ZNF385D: variants seen among roughly 807,000 people sequenced by gnomAD.
ZNF385D encodes zinc finger protein 659.
ZNF385D carries 15 observed loss-of-function variants against 35.8 expected under a neutral mutation model. The ratio of observed to expected loss-of-function variants is 0.42; its 90% CI spans 0.28 to 0.64. The LOEUF is 0.64. ZNF385D is among the 30% of genes least tolerant of loss of function. The pLI, the probability that ZNF385D is intolerant of heterozygous loss-of-function variation, is 0.23. For synonymous variants in ZNF385D, 212 were observed against 186.8 expected (o/e 1.13, Z -1.10); for missense variants, 474 against 494.6 (o/e 0.96, Z 0.39).
At chr3:21,563,043 T>C (rs1032766102) in intron 3 of ZNF385D, among the ~76,000 whole-genome samples, 1 of 152,208 alleles carries the variant, frequency 6.6e-6, no homozygotes, top group Non-Finnish European at 1.5e-5. Context: ...GTCTGATTAT[T>C]TGTATACCTG....
At chr3:21,669,476 A>G (rs935350474) in intron 1 of ZNF385D, among the ~76,000 whole-genome samples, 5 of 152,224 alleles carry the variant, frequency 3.3e-5, no homozygotes, top group South Asian at 2.1e-4. Flanking sequence ...GAAAAAACAA[A>G]AACAGAGTTA....
At chr3:22,043,858 G>T (rs913008853) in intron 3 of ZNF385D, among the ~76,000 whole-genome samples, 10 of 152,064 alleles carry the variant, frequency 6.6e-5, no homozygotes. Flanking sequence ...TGCTTGCTTT[G>T]ATAAGGCTGG....
intron 4 of ZNF385D, among the ~76,000 whole-genome samples, chr3:21,450,127 G>T (rs1702370674): frequency 6.6e-6 from 1 of 152,174 alleles, no homozygotes; most frequent in Non-Finnish European, 1.5e-5. Context: ...CTTGGGCAGG[G>T]CTGTCAAGGT....
At chr3:22,030,284 T>TCCTATACAAATAACAA (rs1476811855) in intron 3 of ZNF385D, among the ~76,000 whole-genome samples, 1 of 98,564 alleles carries the variant, frequency 1.0e-5, no homozygotes, top group East Asian at 3.3e-4. Context: ...TATATATATA[T>TCCTATACAAATAACAA]ATATATATAT....
At chr3:21,426,922 T>C (rs1318834793) in intron 5 of ZNF385D, among the ~76,000 whole-genome samples, 1 of 152,212 alleles carries the variant, frequency 6.6e-6, no homozygotes, top group Non-Finnish European at 1.5e-5. Flanking sequence ...TCTTACAACC[T>C]AGATGGCCTA....
rs540378373 is a variant in ZNF385D at position 21,767,153 on chromosome 3, A to G, written c.326-102125T>C. On this transcript the variant is annotated intron_variant, in intron 3 of 5. Coordinates refer to the ZNF385D transcript ENST00000494108. ...CAGAATTTGGTAGCAAATATTGTCA[A>G]TTGAGAGTCTTATGGAAATCACAGA... is the stretch of plus-strand genomic sequence containing the variant. Among the ~76,000 whole-genome samples the G allele has an allele frequency of 8.6e-5, 13 of 151,034 alleles. No homozygotes were observed. In the South Asian group the frequency reaches 1.0e-3, roughly 12 times the overall value.
At chr3:21,922,909 T>C (rs142812565) in intron 3 of ZNF385D, among the ~76,000 whole-genome samples, 16 of 152,292 alleles carry the variant, frequency 1.1e-4, no homozygotes, top group Admixed American at 2.0e-4. Flanking sequence ...ATATGGAATC[T>C]ATAGGGAACT....
At chr3:21,854,489 G>A (rs1030435739) in intron 3 of ZNF385D, among the ~76,000 whole-genome samples, 1 of 151,868 alleles carries the variant, frequency 6.6e-6, no homozygotes, top group Non-Finnish European at 1.5e-5. Flanking sequence ...CCTTGCACTT[G>A]GTTTAATGAT....
At chr3:22,260,977 T>A (rs1052576648) in intron 2 of ZNF385D, among the ~76,000 whole-genome samples, 3 of 152,026 alleles carry the variant, frequency 2.0e-5, no homozygotes, top group Admixed American at 6.6e-5. Context: ...CTTCAGAAAC[T>A]TAAAAAATTT....
intron 3 of ZNF385D, among the ~76,000 whole-genome samples, chr3:21,776,161 CT>C (rs1160127181): frequency 6.6e-6 from 1 of 151,730 alleles, no homozygotes. Flanking sequence ...CATACACATT[CT>C]TTTATTTTGG....
rs548035694 is a variant in ZNF385D at position 21,414,938 on chromosome 3, A to G, written c.*6276T>C. The G allele has an allele frequency of 7.2e-5, 11 of 152,272 alleles. No homozygotes were observed. Among genetic ancestry groups the G allele is most frequent in the Admixed American group, 2.0e-4 (3 of 15,288 alleles). The allele number at this position is 152,272 out of a possible 1,614,324, so 9.4% of individuals were successfully genotyped here. A position where few individuals can be genotyped will look rare whatever the true frequency, so the allele number is the denominator to read the frequency against. ...TAGCATAACATCATAAGAGACATAA[A>G]GCATCTCACGAAGGGTCTTTATCCA... On this transcript the variant is annotated 3_prime_UTR_variant, in exon 8 of 8. Transcript: ENST00000281523.
intron 3 of ZNF385D, among the ~76,000 whole-genome samples, chr3:21,996,594 G>A (rs1336276814): frequency 6.6e-6 from 1 of 152,154 alleles, no homozygotes; most frequent in East Asian, 1.9e-4. Flanking sequence ...AGCACTCACT[G>A]TCACACATTT....
intron 3 of ZNF385D, among the ~76,000 whole-genome samples, chr3:21,846,733 G>A (rs915319143): frequency 2.0e-5 from 3 of 151,956 alleles, no homozygotes; most frequent in Non-Finnish European, 2.9e-5. Flanking sequence ...AGAGAGAGAG[G>A]ATGGGAAAGG....
In ZNF385D at chr3:22,273,062, AAGAG is replaced by A. The variant is rs1701258402; in HGVS notation, c.106+99384_106+99387del. Among the ~76,000 whole-genome samples the A allele has an allele frequency of 4.6e-5, 7 of 152,114 alleles. No homozygotes were observed. In the South Asian group the frequency reaches 1.5e-3, roughly 32 times the overall value. On this transcript the variant is annotated intron_variant, in intron 2 of 5. Coordinates refer to the ZNF385D transcript ENST00000494108. Reference sequence around the variant, plus strand: ...CTCACAAATTTTAAAAAGCCAAGGAAAGAGAGAAAGAGAGAAAAAAAAGAGAAAA... The same window carrying A: ...CTCACAAATTTTAAAAAGCCAAGGAAAGAAAGAGAGAAAAAAAAGAGAAAA...
At chr3:21,519,541 T>C (rs1274548045) in intron 3 of ZNF385D, among the ~76,000 whole-genome samples, 2 of 152,200 alleles carry the variant, frequency 1.3e-5, no homozygotes, top group African/African-American at 4.8e-5. Context: ...AACAGCTATC[T>C]CCTTGAACTC....
intron 4 of ZNF385D, among the ~76,000 whole-genome samples, chr3:21,477,688 A>G (rs1400661726): frequency 6.6e-6 from 1 of 152,014 alleles, no homozygotes; most frequent in Non-Finnish European, 1.5e-5. Flanking sequence ...CTATCAACCA[A>G]TGTAATGTTC....
At chr3:22,222,345 A>T (rs770278158) in intron 2 of ZNF385D, among the ~76,000 whole-genome samples, 18 of 152,176 alleles carry the variant, frequency 1.2e-4, no homozygotes, top group Non-Finnish European at 2.5e-4. Context: ...AGAAAAAAAA[A>T]TCTAAGATAA....
chr3:21,968,569 C>T (rs148139459), intron 3 of ZNF385D, among the ~76,000 whole-genome samples: 3 of 152,142 alleles, frequency 2.0e-5, no homozygotes, highest in South Asian at 2.1e-4. Context: ...CTTGAATACC[C>T]GTTTCAGGCC....
At chr3:21,634,884 CT>C (rs2065383778) in intron 2 of ZNF385D, among the ~76,000 whole-genome samples, 2 of 151,596 alleles carry the variant, frequency 1.3e-5, no homozygotes, top group Non-Finnish European at 2.9e-5. Context: ...ACAATTGTCA[CT>C]TAGAAGAAAT....
Sources: allele counts gnomAD v4.1 joint callset (sites outside exome capture counted in the v4.1 genomes callset), GRCh38; gene constraint gnomAD v4.1.1; transcripts MANE v1.5; gene names NCBI Gene and HGNC (gene_info 2026-07-23, HGNC 2026-07-21).